The following FMNL2 variants were observed in gnomAD, a reference collection of about 807,000 sequenced individuals.
FMNL2 encodes the protein formin like 2, also known as formin-like protein 2.
A neutral mutation model predicts 130.2 loss-of-function variants in FMNL2; 51 were observed. The ratio of observed to expected loss-of-function variants is 0.39; its 90% CI spans 0.31 to 0.49. FMNL2 has a LOEUF of 0.49. Among genes scored for constraint, FMNL2 ranks in the 20% least tolerant of loss-of-function variants. The probability of loss-of-function intolerance (pLI) is 0.85; values close to 1 mark genes in which losing one functional copy is unlikely to be tolerated. For synonymous variants in FMNL2, 465 were observed against 467.1 expected (o/e 1.00, Z 0.06); for missense variants, 977 against 1,316.2 (o/e 0.74, Z 3.99).
intron 9 of FMNL2, among the ~76,000 whole-genome samples, chr2:152,597,375 C>T (rs1697825073): frequency 6.6e-6 from 1 of 152,148 alleles, no homozygotes; most frequent in Non-Finnish European, 1.5e-5. Context: ...ATGCTTTTTC[C>T]TCAAGACAAC....
At chr2:152,615,788 C>T (rs1318934919) in intron 12 of FMNL2, among the ~76,000 whole-genome samples, 1 of 152,114 alleles carries the variant, frequency 6.6e-6, no homozygotes, top group Non-Finnish European at 1.5e-5. Flanking sequence ...TGAAGTGTCT[C>T]CTTTTGGAGG....
At chr2:152,511,219 C>T (rs909017341) in intron 1 of FMNL2, among the ~76,000 whole-genome samples, 9 of 152,116 alleles carry the variant, frequency 5.9e-5, no homozygotes, top group East Asian at 1.9e-4. Context: ...ACACTTATTC[C>T]GCCCCCACCT....
chr2:152,628,593 T>TA (rs1681959121), intron 18 of FMNL2, 60 bp downstream of exon 18: 2 of 1,449,568 alleles, frequency 1.4e-6, no homozygotes, highest in Admixed American at 1.7e-5. Context: ...CGTTATTTTT[T>TA]AAAGTCTCTC....
intron 1 of FMNL2, chr2:152,390,714 G>T: frequency 1.4e-6 from 1 of 717,012 alleles, no homozygotes. Context: ...TCTGGCCCTT[G>T]TGAGCCTCAG....
At chr2:152,365,903 T>G (rs1200709886) in intron 1 of FMNL2, among the ~76,000 whole-genome samples, 1 of 152,134 alleles carries the variant, frequency 6.6e-6, no homozygotes, top group Non-Finnish European at 1.5e-5. Context: ...AGGACTTGGA[T>G]TCAAATTGAT....
chr2:152,366,291 G>A (rs1331751550), intron 1 of FMNL2, among the ~76,000 whole-genome samples: 1 of 118,188 alleles, frequency 8.5e-6, no homozygotes, highest in African/African-American at 3.1e-5. Context: ...ACTGTTGTGG[G>A]GTGGGGGGAG....
chr2:152,603,294 T>G (rs1280133019), intron 9 of FMNL2, among the ~76,000 whole-genome samples: 1 of 152,202 alleles, frequency 6.6e-6, no homozygotes, highest in East Asian at 1.9e-4. Context: ...TCTGTTGCTT[T>G]CAAGGTTTCC....
chr2:152,423,717 C>T (rs1687034161), intron 1 of FMNL2, among the ~76,000 whole-genome samples: 1 of 152,072 alleles, frequency 6.6e-6, no homozygotes, highest in African/African-American at 2.4e-5. Flanking sequence ...TGGACTTTTG[C>T]TTTCTATATT....
At chr2:152,557,520 A>T (rs943322631) in intron 4 of FMNL2, among the ~76,000 whole-genome samples, 1 of 152,170 alleles carries the variant, frequency 6.6e-6, no homozygotes, top group African/African-American at 2.4e-5. Flanking sequence ...CATCATGGAG[A>T]TGACAGGACT....
At chr2:152,583,224 A>G (rs1381938173) in intron 9 of FMNL2, among the ~76,000 whole-genome samples, 1 of 152,186 alleles carries the variant, frequency 6.6e-6, no homozygotes, top group African/African-American at 2.4e-5. Flanking sequence ...TCTGTAATTA[A>G]TCAGGAGTGA....
rs907134745 is a variant in FMNL2 at position 152,395,829 on chromosome 2, A to G, written c.117+60109A>G. 8.1e-4 allele frequency among the ~76,000 whole-genome samples: 118 copies of G among 145,118 alleles called. 1 individual carries two copies. The highest frequency in any genetic ancestry group is 2.9e-3 in the African/African-American group (115 of 39,618). ...ATCCTCCTCTTTCAAATATGCTTCA[A>G]CCAAATACCCAACTGTGAGATGAAT... is the stretch of plus-strand genomic sequence containing the variant. On this transcript the variant is annotated intron_variant, in intron 1 of 25. Transcript: ENST00000288670.
In FMNL2 at chr2:152,521,876, C is replaced by A; in HGVS notation, c.118-67C>A. ...ATAGTGGTATTATTTGGTCTGCCTG[C>A]AAGTTACCAATTTGGAAGCCTGCTG... On this transcript the variant is annotated intron_variant, in intron 1 of 25. Coordinates refer to ENST00000288670, the MANE Select transcript of FMNL2 (RefSeq NM_052905.4). The A allele has an allele frequency of 3.2e-6, 4 of 1,268,736 alleles. No homozygotes were observed. The South Asian group carries it at 3.7e-5, about 12-fold the overall frequency. The allele number at this position is 1,268,736 out of a possible 1,614,324, so 78.6% of individuals were successfully genotyped here.
At chr2:152,613,573 G>A (rs1297675501) in intron 11 of FMNL2, among the ~76,000 whole-genome samples, 14 of 152,166 alleles carry the variant, frequency 9.2e-5, no homozygotes, top group Admixed American at 8.5e-4. Flanking sequence ...CCATTTTTCT[G>A]AAAATTTATG....
intron 2 of FMNL2, among the ~76,000 whole-genome samples, chr2:152,534,703 CTAAG>C (rs1224190754): frequency 6.6e-6 from 1 of 151,552 alleles, no homozygotes; most frequent in Non-Finnish European, 1.5e-5. Flanking sequence ...AAAGGCATTC[CTAAG>C]TAAGAGGAGT....
intron 1 of FMNL2, among the ~76,000 whole-genome samples, chr2:152,388,760 CAAAAAGAAGTTAGTGTCTCTTTTT>C (rs1242106494): frequency 6.6e-6 from 1 of 152,096 alleles, no homozygotes; most frequent in Admixed American, 6.6e-5. Flanking sequence ...CACAAGTTTT[CAAAAAGAAGTTAGTGTCTCTTTTT>C]AAGAGAAATT....
chr2:152,410,522 T>G (rs1018520447), intron 1 of FMNL2, among the ~76,000 whole-genome samples: 2 of 152,172 alleles, frequency 1.3e-5, no homozygotes, highest in African/African-American at 4.8e-5. Context: ...GGCCCCAGGA[T>G]TCTCAGACCT....
At chr2:152,394,943 A>C (rs928070393) in intron 1 of FMNL2, among the ~76,000 whole-genome samples, 1 of 152,198 alleles carries the variant, frequency 6.6e-6, no homozygotes, top group Non-Finnish European at 1.5e-5. Context: ...TGCTCCTGAG[A>C]CTGAAAAATT....
In FMNL2 at chr2:152,601,667, C is replaced by CTTTTT. The variant is rs36031692; in HGVS notation, c.877-5669_877-5668insTTTTT. On this transcript the variant is annotated intron_variant, in intron 9 of 25. Transcript: ENST00000288670. ...CTAAGGCTCTCTTTTCTTTTCTTTT[C>CTTTTT]TTTCTTTTTTTTTTTTTTTTGAGAC... is the stretch of plus-strand genomic sequence containing the variant. 3.6e-4 allele frequency among the ~76,000 whole-genome samples: 47 copies of CTTTTT among 132,230 alleles called. 2 individuals carry two copies. Among genetic ancestry groups the CTTTTT allele is most frequent in the East Asian group, 1.4e-3 (6 of 4,382 alleles). 86.7% of individuals were successfully genotyped at this position (132,230 alleles called of 152,430 possible).
At position 152,624,302 on chromosome 2, in the gene FMNL2, T is replaced by G. The variant is rs1265066308; in HGVS notation, c.1838-1136T>G. On this transcript the variant is annotated intron_variant, in intron 15 of 25. Coordinates refer to ENST00000288670, the MANE Select transcript of FMNL2 (RefSeq NM_052905.4). ...CCTTCCGAGTAGCTAGGATTATAGG[T>G]GCACACCACCACAACTGGCTAATTT... Among the ~76,000 whole-genome samples, 3 of 151,306 alleles carry G rather than the reference T, an allele frequency of 2.0e-5. No homozygotes were observed. The East Asian group carries it at 6.0e-4, about 30-fold the overall frequency.
Sources: allele counts gnomAD v4.1 joint callset (sites outside exome capture counted in the v4.1 genomes callset), GRCh38; gene constraint gnomAD v4.1.1; transcripts MANE v1.5; gene names NCBI Gene and HGNC (gene_info 2026-07-23, HGNC 2026-07-21).